Variants in BCL11B observed in about 807,000 individuals in gnomAD.
BCL11B encodes B-cell lymphoma/leukemia 11B.
A neutral mutation model predicts 49.9 loss-of-function variants in BCL11B; 8 were observed. The ratio of observed to expected loss-of-function variants is 0.16; its 90% CI spans 0.09 to 0.29. BCL11B has a LOEUF of 0.29. BCL11B is among the 10% of genes least tolerant of loss of function. The pLI is 1.00. For synonymous variants in BCL11B, 739 were observed against 637.4 expected, an observed-to-expected ratio of 1.16 and a Z score of -2.40; for missense variants, 1,006 against 1,351.0, an observed-to-expected ratio of 0.74 and a Z score of 4.00.
intron 2 of BCL11B, among the ~76,000 whole-genome samples, chr14:99,240,082 T>C (rs1005531313): frequency 6.6e-6 from 1 of 152,106 alleles, no homozygotes; most frequent in Non-Finnish European, 1.5e-5. Flanking sequence ...CATAAAACTC[T>C]ACCTGAGCCA....
At chr14:99,258,595 T>C (rs1889244724) in intron 1 of BCL11B, among the ~76,000 whole-genome samples, 1 of 152,020 alleles carries the variant, frequency 6.6e-6, no homozygotes, top group South Asian at 2.1e-4. Flanking sequence ...TCCAAAAAAA[T>C]ATCTTAGGAG....
chr14:99,257,580 G>C lies in BCL11B; in HGVS notation c.318C>G (p.Leu106=). 4 of 1,614,156 alleles carry C rather than the reference G, an allele frequency of 2.5e-6. No individual in the cohort carries two copies. Among genetic ancestry groups the C allele is most frequent in the African/African-American group, 2.7e-5 (2 of 75,054 alleles). The change falls in exon 2 of 4, where the codon CTC becomes CTG. Residue 106 remains leucine (L), a synonymous_variant. Coordinates refer to ENST00000357195, the MANE Select transcript of BCL11B (RefSeq NM_138576.4). The surrounding 1 kb of genome is among the most constrained non-coding windows in gnomAD (Gnocchi z 6.2). ...TCTCCACCGGCTCGGACACTTTCCT[G>C]AGCTCGGAGCGTGAGGAGGGTGGCG... ...DSPPPSSRSE[L]RKVSEPVEIG...
intron 3 of BCL11B, among the ~76,000 whole-genome samples, chr14:99,215,752 G>A (rs1163473686): frequency 1.3e-5 from 2 of 152,218 alleles, no homozygotes; most frequent in African/African-American, 4.8e-5. Context: ...TATATTAAGA[G>A]AGAGAGAAAG....
rs1368460291 is a variant in BCL11B, at chr14:99,169,620, T to C, written c.*4531A>G. 1 of 210,136 alleles carries C rather than the reference T, an allele frequency of 4.8e-6. No homozygotes were observed. Among genetic ancestry groups the C allele is most frequent in the Non-Finnish European group, 9.7e-6 (1 of 103,228 alleles). The allele number at this position is 210,136 out of a possible 1,614,324, so 13.0% of individuals were successfully genotyped here. A position where few individuals can be genotyped will look rare whatever the true frequency, so the allele number is the denominator to read the frequency against. ...CCTCCAAGTAAACAACAAAAGCTCA[T>C]ACAATAAGTAATAGAAAAGGTAATA... is the stretch of plus-strand genomic sequence containing the variant. On this transcript the variant is annotated 3_prime_UTR_variant, in exon 4 of 4. Coordinates refer to ENST00000357195, the MANE Select transcript of BCL11B (RefSeq NM_138576.4).
Position 99,170,687 on chromosome 14 carries a change from T to A in BCL11B, c.*3464A>T. The A allele has an allele frequency of 1.3e-5, 3 of 233,296 alleles. No individual in the cohort carries two copies. Among genetic ancestry groups the A allele is most frequent in the Non-Finnish European group, 2.5e-5 (3 of 117,856 alleles). The allele number at this position is 233,296 out of a possible 1,614,324, so 14.5% of individuals were successfully genotyped here. ...ATCCCAGGCCCTCGCATTCGGAAAC[T>A]GACGGAATGTAGGTTTCAGAGAGCA... On this transcript the variant is annotated 3_prime_UTR_variant, in exon 4 of 4. Coordinates refer to ENST00000357195, the MANE Select transcript of BCL11B (RefSeq NM_138576.4).
In BCL11B at chr14:99,231,465, G is replaced by T. The variant is rs1888333334; in HGVS notation, c.520C>A (p.Leu174Met). 6.3e-7 allele frequency: 1 copy of T among 1,599,918 alleles called. No individual in the cohort carries two copies. The highest frequency in any genetic ancestry group is 2.2e-5 in the East Asian group (1 of 44,656). The change falls in exon 3 of 4, where the codon CTG (leucine) becomes ATG (methionine). Residue 174 changes from leucine (L) to methionine (M), a missense_variant. Leu to Met is a conservative substitution (Grantham distance 15). Around this residue, in one of 6 missense-constraint regions of BCL11B, gnomAD observed 411 missense variants for 542.2 expected, o/e 0.76. Coordinates refer to ENST00000357195, the MANE Select transcript of BCL11B (RefSeq NM_138576.4). The surrounding 1 kb of genome is among the most constrained non-coding windows in gnomAD (Gnocchi z 8.1). ...GGGAGGCAGGGCGGGAGAGCGCCCAGGGCACGCAGAGGTGAAGTGATCACG... is the reference window on the plus strand; with the variant it reads ...GGGAGGCAGGGCGGGAGAGCGCCCATGGCACGCAGAGGTGAAGTGATCACG... ...SSVITSPLRA[L>M]GALPPCLPLP...
chr14:99,243,390 G>A (rs1380325709), intron 2 of BCL11B, among the ~76,000 whole-genome samples: 1 of 152,018 alleles, frequency 6.6e-6, no homozygotes, highest in Non-Finnish European at 1.5e-5. Flanking sequence ...TTTCCCTTTT[G>A]CAAATTAGTC....
Position 99,218,833 on chromosome 14 carries a change from G to C in BCL11B, c.640+12512C>G, listed in dbSNP as rs77984163. ...GTGACTAAGTGAAGGCTGTTGATGA[G>C]ATCATTCTGGATGGTCTAGGTGGGT... On this transcript the variant is annotated intron_variant, in intron 3 of 3. Transcript: ENST00000357195. Among the ~76,000 whole-genome samples, 2,682 of 152,252 alleles carry C rather than the reference G, an allele frequency of 0.018. 164 individuals carry two copies. In the East Asian group the frequency reaches 0.18, roughly 10 times the overall value.
rs1265325834 is a variant in BCL11B at position 99,262,848 on chromosome 14, C to T, written c.59-5009G>A. ...TATTGGATCCAAGAGAAAATAACAA[C>T]CGTAGGGAGGGGGGAGGAGAAGGGT... On this transcript the variant is annotated intron_variant, in intron 1 of 3. Transcript: ENST00000357195. This position sits in a 1 kb window ranked among gnomAD's most constrained non-coding sequence, Gnocchi z 4.2. 6.6e-6 allele frequency: 1 copy of T among 151,406 alleles called. No homozygotes were observed. Among genetic ancestry groups the T allele is most frequent in the African/African-American group, 2.4e-5 (1 of 41,050 alleles). The allele number at this position is 151,406 out of a possible 1,614,324, so 9.4% of individuals were successfully genotyped here.
At chr14:99,249,462 C>A (rs188337678) in intron 2 of BCL11B, among the ~76,000 whole-genome samples, 1 of 152,336 alleles carries the variant, frequency 6.6e-6, no homozygotes, top group African/African-American at 2.4e-5. Context: ...AGCCTGGTCT[C>A]TAGGCGCAAC....
Position 99,175,564 on chromosome 14 carries a change from G to T in BCL11B, c.1272C>A (p.Ala424=). The change falls in exon 4 of 4, where the codon GCC becomes GCA. Residue 424 remains alanine, a synonymous_variant. Transcript: ENST00000357195. The part of the protein sequence containing the change: ...PGGTPPPQPP[A]KSKSCEFCGK... ...CGCAGAACTCGCACGACTTGCTCTT[G>T]GCTGGCGGCTGCGGGGGCGGCGTGC... 6.3e-7 allele frequency: 1 copy of T among 1,593,638 alleles called. No homozygotes were observed. The highest frequency in any genetic ancestry group is 1.1e-5 in the South Asian group (1 of 89,784).
chr14:99,215,987 C>T (rs1342249657), intron 3 of BCL11B, among the ~76,000 whole-genome samples: 22 of 152,136 alleles, frequency 1.4e-4, no homozygotes. Context: ...CCCGTGGATC[C>T]CGGAAAGCCT....
At chr14:99,217,397 C>CAT (rs779283357) in intron 3 of BCL11B, among the ~76,000 whole-genome samples, 15 of 148,228 alleles carry the variant, frequency 1.0e-4, no homozygotes, top group Non-Finnish European at 1.7e-4. Context: ...CACACACACA[C>CAT]ACACACACAC....
intron 3 of BCL11B, among the ~76,000 whole-genome samples, chr14:99,209,242 G>A (rs1257437): frequency 0.35 from 52,837 of 151,936 alleles, 10,104 homozygotes; most frequent in Non-Finnish European, 0.44. Flanking sequence ...GGGAAAGGGC[G>A]ATAGGCCATG....
At chr14:99,225,968 C>T (rs1000827166) in intron 3 of BCL11B, among the ~76,000 whole-genome samples, 2 of 152,206 alleles carry the variant, frequency 1.3e-5, no homozygotes, top group African/African-American at 2.4e-5. Flanking sequence ...CAGAAAGAGG[C>T]GTCTGGGTTC....
intron 3 of BCL11B, among the ~76,000 whole-genome samples, chr14:99,203,620 G>C (rs1595242967): frequency 5.9e-5 from 9 of 152,118 alleles, no homozygotes; most frequent in East Asian, 1.9e-4. Context: ...TACTCACAAG[G>C]AGTTCATTCA....
At chr14:99,190,403 G>A (rs1158704962) in intron 3 of BCL11B, among the ~76,000 whole-genome samples, 2 of 152,236 alleles carry the variant, frequency 1.3e-5, no homozygotes, top group African/African-American at 2.4e-5. Flanking sequence ...CAGGAGAATC[G>A]CTTGAACCCG....
Position 99,169,683 on chromosome 14 carries a change from TAAATC to T in BCL11B, c.*4463_*4467del, listed in dbSNP as rs1886225129. 1.4e-5 allele frequency: 3 copies of T among 219,266 alleles called. No homozygotes were observed. The East Asian group carries it at 2.0e-4, about 15-fold the overall frequency. The allele number at this position is 219,266 out of a possible 1,614,324, so 13.6% of individuals were successfully genotyped here. A position where few individuals can be genotyped will look rare whatever the true frequency, so the allele number is the denominator to read the frequency against. On this transcript the variant is annotated 3_prime_UTR_variant, in exon 4 of 4. Coordinates refer to ENST00000357195, the MANE Select transcript of BCL11B (RefSeq NM_138576.4). The stretch of plus-strand genomic sequence containing the variant: ...CTTGCCAGTACAAATGCAAACAACT[TAAATC>T]AATGGGACTTTGCTTTGCAGGGCTG...
rs774985123 is a variant in BCL11B at position 99,175,640 on chromosome 14, G to A, written c.1196C>T (p.Pro399Leu). The change falls in exon 4 of 4, where the codon CCC (proline) becomes CTC (leucine). Residue 399 changes from proline to leucine, a missense_variant. This residue lies in a region of BCL11B where 97 missense variants were observed against 81.5 expected (regional missense o/e 1.19). Transcript: ENST00000357195. ...HRLLNPFQPS[P>L]KSPFLSTPPL... The stretch of plus-strand genomic sequence containing the variant: ...CGGCGTGCTCAGGAACGGGGACTTG[G>A]GGCTGGGCTGGAAGGGGTTCAGGAG... 2 of 1,561,642 alleles carry A rather than the reference G, an allele frequency of 1.3e-6. No homozygotes were observed. Among genetic ancestry groups the A allele is most frequent in the Non-Finnish European group, 1.7e-6 (2 of 1,163,258 alleles).
Sources: allele counts gnomAD v4.1 joint callset (sites outside exome capture counted in the v4.1 genomes callset), GRCh38; gene constraint gnomAD v4.1.1; regional missense constraint gnomAD v4.1.1; non-coding constraint Gnocchi (gnomAD v3.1); transcripts MANE v1.5; gene names NCBI Gene and HGNC (gene_info 2026-07-23, HGNC 2026-07-21).